TAB2: variants seen among roughly 807,000 people sequenced by gnomAD.
The protein encoded by TAB2 is TGF-beta activated kinase 1 (MAP3K7) binding protein 2, also known as TGF-beta-activated kinase 1 and MAP3K7-binding protein 2.
TAB2 carries 3 observed loss-of-function variants against 65.0 expected under a neutral mutation model. The observed-to-expected ratio is 0.05, with a 90% confidence interval of 0.02 to 0.12. The LOEUF is 0.12. Among genes scored for constraint, TAB2 ranks in the 10% least tolerant of loss-of-function variants. The pLI is 1.00. For missense variants in TAB2, 623 were observed against 840.3 expected, an observed-to-expected ratio of 0.74 and a Z score of 3.20; for synonymous variants, 298 against 285.1, an observed-to-expected ratio of 1.05 and a Z score of -0.46.
chr6:149,262,988 A>G (rs1320238886), intron 1 of TAB2, among the ~76,000 whole-genome samples: 1 of 151,928 alleles, frequency 6.6e-6, no homozygotes, highest in Non-Finnish European at 1.5e-5. Flanking sequence ...TATTTTTTAT[A>G]GAGGTGGGTT....
chr6:149,219,657 A>G (rs1777098439), intron 1 of TAB2, among the ~76,000 whole-genome samples: 1 of 152,168 alleles, frequency 6.6e-6, no homozygotes, highest in African/African-American at 2.4e-5. Flanking sequence ...ATTTTTAATC[A>G]GTGGCTCTGA....
chr6:149,379,012 C>G lies in TAB2; in HGVS notation c.1097C>G (p.Thr366Ser). ...CAGACCTTAAACAGAAATCAGCCCA[C>G]TGTTTACATAGCTGCCAGCCCCCCA... ...NSQTLNRNQP[T>S]VYIAASPPNT... is the part of the protein sequence containing the mutation. Residue 366 changes from threonine to serine, a missense_variant, in exon 3 of 7, where the codon ACT becomes AGT. Thr to Ser is a moderately conservative substitution (Grantham distance 58). This residue lies in a region of TAB2 where 550 missense variants were observed against 665.7 expected (regional missense o/e 0.83). Coordinates refer to ENST00000637181, the MANE Select transcript of TAB2 (RefSeq NM_001292034.3). The G allele has an allele frequency of 6.2e-7, 1 of 1,614,218 alleles. No homozygotes were observed. Among genetic ancestry groups the G allele is most frequent in the Middle Eastern group, 1.6e-4 (1 of 6,062 alleles).
intron 1 of TAB2, among the ~76,000 whole-genome samples, chr6:149,350,617 CTTTTTTTTTTTTTTT>C (rs150204735): frequency 1.1e-5 from 1 of 92,516 alleles, no homozygotes; most frequent in Non-Finnish European, 2.0e-5. Flanking sequence ...TATTTTATGT[CTTTTTTTTTTTTTTT>C]TTTTTTTTTA....
At chr6:149,254,461 T>C (rs999474424) in intron 1 of TAB2, among the ~76,000 whole-genome samples, 3 of 152,206 alleles carry the variant, frequency 2.0e-5, no homozygotes, top group Admixed American at 6.5e-5. Flanking sequence ...GTTTCTGAAC[T>C]CACTTCAGTA....
At chr6:149,334,844 A>G (rs1425489639) in intron 1 of TAB2, among the ~76,000 whole-genome samples, 1 of 152,162 alleles carries the variant, frequency 6.6e-6, no homozygotes, top group Non-Finnish European at 1.5e-5. Flanking sequence ...ATATGTGGAG[A>G]GGAAAAGAAT....
At chr6:149,294,464 A>G (rs888477688) in intron 1 of TAB2, among the ~76,000 whole-genome samples, 1 of 152,230 alleles carries the variant, frequency 6.6e-6, no homozygotes, top group Admixed American at 6.5e-5. Flanking sequence ...ATTCTGAGAT[A>G]CTGAGGGTTA....
intron 1 of TAB2, among the ~76,000 whole-genome samples, chr6:149,285,399 G>T (rs1778659372): frequency 6.6e-6 from 1 of 152,150 alleles, no homozygotes; most frequent in Non-Finnish European, 1.5e-5. Context: ...TTCCTTAGAG[G>T]GGAGTGGTCT....
chr6:149,310,420 T>C (rs543973), intron 1 of TAB2, among the ~76,000 whole-genome samples: 66,965 of 151,574 alleles, frequency 0.44, 15,170 homozygotes, highest in African/African-American at 0.57. Context: ...GTATATGTTA[T>C]TTCTGTTTAT....
At chr6:149,262,957 T>C (rs970814398) in intron 1 of TAB2, among the ~76,000 whole-genome samples, 8 of 152,024 alleles carry the variant, frequency 5.3e-5, no homozygotes, top group Admixed American at 3.9e-4. Flanking sequence ...GCACACACCA[T>C]TGTGCCCAGC....
intron 1 of TAB2, among the ~76,000 whole-genome samples, chr6:149,350,617 C>CTTTTTTTTTTTTTTTTTTTTTTTTTT (rs150204735): frequency 1.1e-5 from 1 of 92,516 alleles, no homozygotes; most frequent in African/African-American, 4.3e-5. Context: ...TATTTTATGT[C>CTTTTTTTTTTTTTTTTTTTTTTTTTT]TTTTTTTTTT....
intron 3 of TAB2, among the ~76,000 whole-genome samples, chr6:149,393,169 T>C (rs1373485346): frequency 6.6e-6 from 1 of 152,166 alleles, no homozygotes; most frequent in Non-Finnish European, 1.5e-5. Context: ...GCATTTTTAG[T>C]TTGTTTATAA....
chr6:149,285,868 C>A (rs1430571338), intron 1 of TAB2, among the ~76,000 whole-genome samples: 1 of 152,100 alleles, frequency 6.6e-6, no homozygotes, highest in Non-Finnish European at 1.5e-5. Flanking sequence ...TTCATGAGGT[C>A]ATGGGGCCTG....
intron 1 of TAB2, among the ~76,000 whole-genome samples, chr6:149,284,890 G>A (rs1394430803): frequency 6.6e-6 from 1 of 152,144 alleles, no homozygotes; most frequent in African/African-American, 2.4e-5. Context: ...TCCCTTTGGT[G>A]TGATTTTGCC....
chr6:149,383,380 C>T (rs867639197), intron 3 of TAB2, among the ~76,000 whole-genome samples: 6 of 152,198 alleles, frequency 3.9e-5, no homozygotes, highest in South Asian at 2.1e-4. Flanking sequence ...ACAGCTCTAA[C>T]AACCTTGATG....
intron 1 of TAB2, among the ~76,000 whole-genome samples, chr6:149,345,744 AT>A (rs1435601833): frequency 1.3e-5 from 2 of 152,132 alleles, no homozygotes; most frequent in Admixed American, 6.5e-5. Flanking sequence ...AGGACAAAAC[AT>A]TTTTTAAAAG....
In TAB2 at chr6:149,283,523, A is replaced by C. The variant is rs571062140; in HGVS notation, c.-121+64747A>C. On this transcript the variant is annotated intron_variant, in intron 1 of 1. Transcript: ENST00000606202. ...TCAGGAGTTGGAGACCAGCCTGGCC[A>C]ACATGGTGAAACCCCGTCTCTACTA... 5.5e-4 allele frequency among the ~76,000 whole-genome samples: 84 copies of C among 152,202 alleles called. 1 individual carries two copies. Among genetic ancestry groups the C allele is most frequent in the South Asian group, 2.3e-3 (11 of 4,814 alleles).
chr6:149,315,182 C>T (rs1479449798), upstream of TAB2, among the ~76,000 whole-genome samples: 1 of 152,156 alleles, frequency 6.6e-6, no homozygotes, highest in Admixed American at 6.5e-5. Flanking sequence ...GATAAAGGAA[C>T]TCTCTGAAGT....
At chr6:149,295,035 T>C (rs1044791184) in intron 1 of TAB2, among the ~76,000 whole-genome samples, 6 of 152,254 alleles carry the variant, frequency 3.9e-5, no homozygotes, top group African/African-American at 1.2e-4. Context: ...ATTTTACTTT[T>C]ATGTCTCCTT....
rs147262875 is a variant in TAB2 at position 149,319,972 on chromosome 6, A to G, written c.-90+1957A>G. On this transcript the variant is annotated intron_variant, in intron 1 of 6. Coordinates refer to ENST00000637181, the MANE Select transcript of TAB2 (RefSeq NM_001292034.3). ...ATAAATTTTAACTTAATCCCGTTTG[A>G]TTGAAATCACACCTATGCTTGGTCC... is the stretch of plus-strand genomic sequence containing the variant. Among the ~76,000 whole-genome samples the G allele has an allele frequency of 6.6e-3, 998 of 152,304 alleles. 13 individuals carry two copies. The highest frequency in any genetic ancestry group is 0.022 in the African/African-American group (906 of 41,546).
Sources: gnomAD v4.1 joint callset for allele counts (sites outside exome capture counted in the v4.1 genomes callset) on GRCh38, gnomAD v4.1.1 for gene constraint, gnomAD v4.1.1 regional missense constraint, MANE v1.5 for transcripts, NCBI Gene and HGNC (gene_info 2026-07-23, HGNC 2026-07-21) for gene names.